Variants in PABIR2 observed in about 807,000 individuals in gnomAD.
The protein encoded by PABIR2 is PABIR family member 2.
In PABIR2, 7 loss-of-function variants were observed where a neutral mutation model predicts 22.8. That is an observed-to-expected ratio of 0.31 (90% CI 0.17 to 0.58). The LOEUF is 0.58. Among genes scored for constraint, PABIR2 ranks in the 20% least tolerant of loss-of-function variants. The pLI is 0.89. For missense variants in PABIR2, 155 were observed against 205.1 expected, an observed-to-expected ratio of 0.76 and a Z score of 1.49; for synonymous variants, 67 against 73.8, an observed-to-expected ratio of 0.91 and a Z score of 0.47.
chrX:134,784,496 T>G, intron 8 of PABIR2, among the ~76,000 whole-genome samples: 1 of 96,115 alleles, frequency 1.0e-5, no homozygotes, highest in Non-Finnish European at 2.0e-5. Flanking sequence ...CTGTGTTGCT[T>G]TTTTTTTTTT....
intron 8 of PABIR2, among the ~76,000 whole-genome samples, chrX:134,785,161 A>G (rs1221156774): frequency 8.9e-6 from 1 of 112,082 alleles, no homozygotes; most frequent in Non-Finnish European, 1.9e-5. Flanking sequence ...AGATGTATCA[A>G]ATAACTCATT....
rs953256016 is a variant in PABIR2 at position 134,780,799 on chromosome X, A to G, written c.659+1022T>C. Reference sequence around the variant, plus strand: ...ACTTCAGGTATAGGAAAAGAAGTTAACGTTCTCATGAAAACACTGAAGGCC... The same window carrying G: ...ACTTCAGGTATAGGAAAAGAAGTTAGCGTTCTCATGAAAACACTGAAGGCC... On this transcript the variant is annotated intron_variant, in intron 9 of 9. Coordinates refer to ENST00000343004, the MANE Select transcript of PABIR2 (RefSeq NM_001387468.1). 2.7e-5 allele frequency among the ~76,000 whole-genome samples: 3 copies of G among 112,174 alleles called. No individual in the cohort carries two copies. The East Asian group carries it at 8.3e-4, about 31-fold the overall frequency.
At chrX:134,782,198 A>C (rs926638378) in intron 8 of PABIR2, among the ~76,000 whole-genome samples, 3 of 112,089 alleles carry the variant, frequency 2.7e-5, no homozygotes, top group Non-Finnish European at 5.6e-5. Context: ...AGGCAAAATG[A>C]AGCAAGGCTG....
chrX:134,783,319 G>C (rs1437000669), intron 8 of PABIR2, among the ~76,000 whole-genome samples: 1 of 112,462 alleles, frequency 8.9e-6, no homozygotes, highest in Non-Finnish European at 1.9e-5. Flanking sequence ...ATGATCCTAT[G>C]ATTGGAAAGT....
Position 134,770,344 on chromosome X carries a change from C to T in PABIR2, c.*1795G>A, listed in dbSNP as rs886366784. On this transcript the variant is annotated 3_prime_UTR_variant, in exon 10 of 10. Coordinates refer to ENST00000343004, the MANE Select transcript of PABIR2 (RefSeq NM_001387468.1). ...TATGTTACGTTTGAAGAAGTAGAGA[C>T]TTTTCCCAGATGAGAGCAATACAAG... is the stretch of plus-strand genomic sequence containing the variant. 3 of 112,438 alleles carry T rather than the reference C, an allele frequency of 2.7e-5. No individual in the cohort carries two copies. The highest frequency in any genetic ancestry group is 6.5e-5 in the African/African-American group (2 of 30,933). The allele number at this position is 112,438 out of a possible 1,213,427, so 9.3% of individuals were successfully genotyped here.
intron 7 of PABIR2, among the ~76,000 whole-genome samples, chrX:134,786,842 T>A (rs2079337395): frequency 9.2e-6 from 1 of 109,108 alleles, no homozygotes; most frequent in Admixed American, 9.8e-5. Context: ...TCCCAGCTAC[T>A]TGGGAGGCTG....
intron 9 of PABIR2, among the ~76,000 whole-genome samples, chrX:134,772,962 G>A (rs1426168430): frequency 9.0e-6 from 1 of 111,337 alleles, no homozygotes; most frequent in African/African-American, 3.3e-5. Context: ...TACACTTGTG[G>A]TCTCAATACC....
intron 7 of PABIR2, among the ~76,000 whole-genome samples, chrX:134,786,200 GAA>G (rs1250164524): frequency 1.8e-5 from 2 of 111,647 alleles, no homozygotes; most frequent in Admixed American, 9.5e-5. Context: ...ACAGTTTAAA[GAA>G]AAAAAGATAC....
At chrX:134,784,525 CTG>C (rs2079253538) in intron 8 of PABIR2, among the ~76,000 whole-genome samples, 1 of 107,772 alleles carries the variant, frequency 9.3e-6, no homozygotes, top group African/African-American at 3.4e-5. Context: ...GGGTCTCACT[CTG>C]TGGCCCAGGC....
chrX:134,786,017 G>C (rs746199235), intron 7 of PABIR2, 67 bp from the exon 8 acceptor site: 3 of 975,771 alleles, frequency 3.1e-6, no homozygotes, highest in Non-Finnish European at 2.9e-6. Flanking sequence ...CAGCAGTCCA[G>C]CCCAACAAAT....
chrX:134,786,169 C>G (rs1429857760), intron 7 of PABIR2, among the ~76,000 whole-genome samples: 1 of 111,797 alleles, frequency 8.9e-6, no homozygotes, highest in Non-Finnish European at 1.9e-5. Flanking sequence ...AAAAAATATT[C>G]TATATGACAA....
chrX:134,783,540 ACATG>A (rs1394909808), intron 8 of PABIR2, among the ~76,000 whole-genome samples: 1 of 111,358 alleles, frequency 9.0e-6, no homozygotes, highest in African/African-American at 3.3e-5. Flanking sequence ...AGCCTGGCCA[ACATG>A]ACAAAACCCC....
chrX:134,772,118 G>A lies in PABIR2; in HGVS notation c.*21C>T, dbSNP rs747540795. On this transcript the variant is annotated 3_prime_UTR_variant, in exon 10 of 10. Transcript: ENST00000343004. ...TTATGTAGGAAACAGCAGTTAAAACGTTGAATCAGAAATGGTTAAGTCACT... is the reference window on the plus strand; with the variant it reads ...TTATGTAGGAAACAGCAGTTAAAACATTGAATCAGAAATGGTTAAGTCACT... 1.8e-5 allele frequency: 21 copies of A among 1,177,039 alleles called. No homozygotes were observed. The highest frequency in any genetic ancestry group is 1.2e-4 in the Admixed American group (5 of 42,542).
chrX:134,789,633 G>GC lies in PABIR2; in HGVS notation c.180dup (p.Leu61AlafsTer6), dbSNP rs1212760580. 5 of 1,151,067 alleles carry GC rather than the reference G, an allele frequency of 4.3e-6. No homozygotes were observed. In the African/African-American group the frequency reaches 9.0e-5, roughly 21 times the overall value. The allele number at this position is 1,151,067 out of a possible 1,213,427, so 94.9% of individuals were successfully genotyped here. On this transcript the variant is annotated frameshift_variant, in exon 3 of 10. Coordinates refer to ENST00000343004, the MANE Select transcript of PABIR2 (RefSeq NM_001387468.1). LOFTEE classifies it high-confidence loss of function. ...GGAATACGATTAGGTGAGGATGACA[G>GC]CAACTGGAAAGAAAAAGTAAACATT...
chrX:134,777,084 G>T (rs2078998345), intron 9 of PABIR2, among the ~76,000 whole-genome samples: 1 of 112,165 alleles, frequency 8.9e-6, no homozygotes, highest in African/African-American at 3.2e-5. Flanking sequence ...ATTAGCCGCA[G>T]CCCTATCAAG....
chrX:134,787,610 C>CTTTTTTTTTTTTTTTT, intron 6 of PABIR2, 77 bp from the exon 7 acceptor site: 1 of 294,085 alleles, frequency 3.4e-6, no homozygotes, highest in Non-Finnish European at 5.1e-6. Context: ...AGTTTTCTTT[C>CTTTTTTTTTTTTTTTT]TTTTTTTTTT....
chrX:134,783,500 GCA>G (rs2079211992), intron 8 of PABIR2, among the ~76,000 whole-genome samples: 1 of 112,123 alleles, frequency 8.9e-6, no homozygotes, highest in African/African-American at 3.2e-5. Flanking sequence ...GCCGAGGCAG[GCA>G]ATCACCTGAA....
At chrX:134,776,727 G>C (rs139598803) in intron 9 of PABIR2, among the ~76,000 whole-genome samples, 2,199 of 112,099 alleles carry the variant, frequency 0.02, 49 homozygotes, top group African/African-American at 0.067. Flanking sequence ...AAAGATGTCA[G>C]ATTTTAAAGA....
At chrX:134,785,807 C>A in intron 8 of PABIR2, 79 bp downstream of exon 8, 1 of 964,626 alleles carries the variant, frequency 1.0e-6, no homozygotes. Flanking sequence ...GTGGTAAGAA[C>A]ACTTAAGATC....
Sources: allele counts gnomAD v4.1 joint callset (sites outside exome capture counted in the v4.1 genomes callset), GRCh38; gene constraint gnomAD v4.1.1; transcripts MANE v1.5; gene names NCBI Gene and HGNC (gene_info 2026-07-23, HGNC 2026-07-21).